Variants in UBAP1 observed in about 807,000 individuals in gnomAD.
UBAP1 encodes the protein ubiquitin-associated protein 1.
UBAP1 carries 5 observed loss-of-function variants against 39.0 expected under a neutral mutation model. The ratio of observed to expected loss-of-function variants is 0.13; its 90% CI spans 0.07 to 0.27. The LOEUF is 0.27. Ranked by LOEUF, UBAP1 falls within the 10% of genes least tolerant of loss-of-function variation. The pLI, the probability that UBAP1 is intolerant of heterozygous loss-of-function variation, is 1.00. For missense variants in UBAP1, 490 were observed against 608.1 expected (o/e 0.81, Z 2.04); for synonymous variants, 211 against 225.1 (o/e 0.94, Z 0.56).
intron 4 of UBAP1, among the ~76,000 whole-genome samples, chr9:34,249,355 A>G (rs1182804400): frequency 6.6e-6 from 1 of 152,244 alleles, no homozygotes; most frequent in Middle Eastern, 3.4e-3. Context: ...GTGAAAAATG[A>G]TGCCTCAGAA....
intron 1 of UBAP1, among the ~76,000 whole-genome samples, chr9:34,204,069 G>T (rs968311152): frequency 6.6e-6 from 1 of 152,224 alleles, no homozygotes; most frequent in Non-Finnish European, 1.5e-5. Flanking sequence ...GTTCATGCCT[G>T]CAATCCCAGA....
intron 1 of UBAP1, among the ~76,000 whole-genome samples, chr9:34,199,027 G>C (rs1328968602): frequency 1.3e-5 from 2 of 152,180 alleles, no homozygotes; most frequent in Non-Finnish European, 2.9e-5. Context: ...ATAGTGACTA[G>C]AACCTGGACC....
chr9:34,249,306 C>T (rs774233427), intron 4 of UBAP1, among the ~76,000 whole-genome samples: 2 of 152,152 alleles, frequency 1.3e-5, no homozygotes, highest in Admixed American at 1.3e-4. Flanking sequence ...AGAGTAGAGA[C>T]TTTGGGATAG....
At chr9:34,187,303 A>G (rs1168669741) in intron 1 of UBAP1, among the ~76,000 whole-genome samples, 1 of 152,218 alleles carries the variant, frequency 6.6e-6, no homozygotes, top group African/African-American at 2.4e-5. Flanking sequence ...ATAATGTGGT[A>G]TATCTCATCT....
chr9:34,179,260 G>A lies in UBAP1; in HGVS notation c.-8+20G>A. 8.2e-7 allele frequency: 1 copy of A among 1,219,900 alleles called. No individual in the cohort carries two copies. Among genetic ancestry groups the A allele is most frequent in the Non-Finnish European group, 1.0e-6 (1 of 977,582 alleles). 75.6% of individuals were successfully genotyped at this position (1,219,900 alleles called of 1,614,324 possible). On this transcript the variant is annotated intron_variant, in intron 1 of 6. Transcript: ENST00000297661. ...ATTCAGGTGAGGGGGGCCTCCCTCT[G>A]GGGGAGGGGGAAGAGGGGCGGAGTT...
chr9:34,208,738 A>G (rs1252208200), intron 1 of UBAP1, among the ~76,000 whole-genome samples: 1 of 145,526 alleles, frequency 6.9e-6, no homozygotes, highest in Non-Finnish European at 1.5e-5. Flanking sequence ...AGATGGCACC[A>G]CTGCACTCCA....
chr9:34,210,447 G>A (rs574628940), intron 1 of UBAP1, among the ~76,000 whole-genome samples: 8 of 152,104 alleles, frequency 5.3e-5, no homozygotes, highest in Admixed American at 3.3e-4. Context: ...GGCCAGGTGC[G>A]GTGGCTCACA....
In UBAP1 at chr9:34,237,863, C is replaced by T. The variant is rs115357969; in HGVS notation, c.160-3322C>T. Reference sequence around the variant, plus strand: ...GATTACAGGTGTCAGCCACCATGCCCGGCCAAAATTCACCTTTTTAAGGTA... The same window carrying T: ...GATTACAGGTGTCAGCCACCATGCCTGGCCAAAATTCACCTTTTTAAGGTA... On this transcript the variant is annotated intron_variant, in intron 3 of 6. Coordinates refer to ENST00000297661, the MANE Select transcript of UBAP1 (RefSeq NM_016525.5). Among the ~76,000 whole-genome samples the T allele has an allele frequency of 9.4e-3, 1,429 of 152,278 alleles. 27 individuals carry two copies. The highest frequency in any genetic ancestry group is 0.032 in the African/African-American group (1,348 of 41,562).
intron 1 of UBAP1, among the ~76,000 whole-genome samples, chr9:34,190,328 C>T (rs1252243959): frequency 6.6e-6 from 1 of 152,152 alleles, no homozygotes; most frequent in East Asian, 1.9e-4. Context: ...CCCACTCTGT[C>T]ACCCAGACTG....
intron 1 of UBAP1, among the ~76,000 whole-genome samples, chr9:34,217,642 C>A (rs1458903411): frequency 6.6e-6 from 1 of 150,982 alleles, no homozygotes; most frequent in Non-Finnish European, 1.5e-5. Flanking sequence ...AAAAAAAAAG[C>A]CTCTGCCTTT....
At chr9:34,207,403 A>G (rs574328060) in intron 1 of UBAP1, among the ~76,000 whole-genome samples, 1 of 151,160 alleles carries the variant, frequency 6.6e-6, no homozygotes, top group East Asian at 1.9e-4. Flanking sequence ...AAAAAAAAAA[A>G]AAAAGAAAGA....
At chr9:34,179,320 C>A (rs1829886259) in intron 1 of UBAP1, 80 bp downstream of exon 1, 2 of 677,890 alleles carry the variant, frequency 3.0e-6, no homozygotes, top group Non-Finnish European at 3.8e-6. Flanking sequence ...GACTGGGAAA[C>A]GGGATGGGGG....
intron 1 of UBAP1, among the ~76,000 whole-genome samples, chr9:34,200,699 G>A (rs902814470): frequency 6.6e-6 from 1 of 152,062 alleles, no homozygotes; most frequent in Non-Finnish European, 1.5e-5. Flanking sequence ...GAAAACTAGA[G>A]CATTACCAAT....
In UBAP1 at chr9:34,179,225, C is replaced by T. The variant is rs1829879111; in HGVS notation, c.-23C>T. ...CACCTTTCGGCTTCTGAGACGGCGG[C>T]AGCAGCGGCATTCAGGTGAGGGGGG... On this transcript the variant is annotated 5_prime_UTR_variant, in exon 1 of 7. Coordinates refer to ENST00000297661, the MANE Select transcript of UBAP1 (RefSeq NM_016525.5). 1 of 1,228,734 alleles carries T rather than the reference C, an allele frequency of 8.1e-7. No homozygotes were observed. Among genetic ancestry groups the T allele is most frequent in the South Asian group, 4.1e-5 (1 of 24,482 alleles). 76.1% of individuals were successfully genotyped at this position (1,228,734 alleles called of 1,614,324 possible). A position where few individuals can be genotyped will look rare whatever the true frequency, so the allele number is the denominator to read the frequency against.
chr9:34,184,538 G>A (rs2131491148), intron 1 of UBAP1, among the ~76,000 whole-genome samples: 1 of 150,478 alleles, frequency 6.6e-6, no homozygotes, highest in South Asian at 2.1e-4. Flanking sequence ...GGCTGAGGCA[G>A]GAGAATGGCG....
intron 1 of UBAP1, among the ~76,000 whole-genome samples, chr9:34,182,879 T>A (rs1830170004): frequency 6.6e-6 from 1 of 151,780 alleles, no homozygotes; most frequent in Non-Finnish European, 1.5e-5. Context: ...CCTGGCTAAT[T>A]TTTTGTAGTT....
At chr9:34,248,237 TGTTGGCCAG>T (rs1834278837) in intron 4 of UBAP1, among the ~76,000 whole-genome samples, 1 of 152,144 alleles carries the variant, frequency 6.6e-6, no homozygotes, top group South Asian at 2.1e-4. Context: ...GGTTTCACTA[TGTTGGCCAG>T]GCTGGTCTCA....
chr9:34,179,740 G>A (rs1230025978), intron 1 of UBAP1, among the ~76,000 whole-genome samples: 1 of 152,098 alleles, frequency 6.6e-6, no homozygotes, highest in Non-Finnish European at 1.5e-5. Context: ...GGCCTTGTCT[G>A]GTCTTCTCCA....
Position 34,226,117 on chromosome 9 carries a change from G to GTGTGTGTGTGTGTGTGTGTGTGTT in UBAP1, c.34+5192_34+5193insTTGTGTGTGTGTGTGTGTGTGTGT, listed in dbSNP as rs1833052165. ...TCCTCCTACTCTATTGTGTGTGTGT[G>GTGTGTGTGTGTGTGTGTGTGTGTT]TGTGTGTGTGTGTGTGTGTGTGTGT... On this transcript the variant is annotated intron_variant, in intron 2 of 6. Transcript: ENST00000297661. Among the ~76,000 whole-genome samples, 72 of 94,308 alleles carry GTGTGTGTGTGTGTGTGTGTGTGTT rather than the reference G, an allele frequency of 7.6e-4. 1 individual carries two copies. The highest frequency in any genetic ancestry group is 2.2e-3 in the South Asian group (4 of 1,790). The allele number at this position is 94,308 out of a possible 152,430, so 61.9% of individuals were successfully genotyped here.
Sources: allele counts gnomAD v4.1 joint callset (sites outside exome capture counted in the v4.1 genomes callset), GRCh38; gene constraint gnomAD v4.1.1; transcripts MANE v1.5; gene names NCBI Gene and HGNC (gene_info 2026-07-23, HGNC 2026-07-21).